Variants in PLA2G12B observed in about 807,000 individuals in gnomAD.
PLA2G12B encodes phospholipase A2 group XIIB, also known as group XIIB secretory phospholipase A2-like protein.
PLA2G12B carries 19 observed loss-of-function variants against 22.3 expected under a neutral mutation model. The observed-to-expected ratio is 0.85, with a 90% CI of 0.60 to 1.25. PLA2G12B has a LOEUF of 1.25. Among genes scored for constraint, PLA2G12B ranks in the 50% most tolerant of loss-of-function variants. The probability of loss-of-function intolerance (pLI) is 0.00; values close to 1 mark genes in which losing one functional copy is unlikely to be tolerated. For missense variants in PLA2G12B, 191 were observed against 246.6 expected (o/e 0.77, Z 1.51); for synonymous variants, 81 against 94.9 (o/e 0.85, Z 0.85).
chr10:72,946,689 T>C (rs1483425121), intron 1 of PLA2G12B, among the ~76,000 whole-genome samples: 2 of 152,224 alleles, frequency 1.3e-5, no homozygotes, highest in Non-Finnish European at 2.9e-5. Flanking sequence ...CTATAATGAT[T>C]ATGTTGAGCA....
chr10:72,940,933 G>A (rs1248199347), intron 3 of PLA2G12B, among the ~76,000 whole-genome samples: 1 of 152,170 alleles, frequency 6.6e-6, no homozygotes, highest in Non-Finnish European at 1.5e-5. Flanking sequence ...GAAGACTTTG[G>A]TGTAGTCTTT....
intron 3 of PLA2G12B, among the ~76,000 whole-genome samples, chr10:72,937,181 G>C (rs1387727696): frequency 6.6e-6 from 1 of 152,194 alleles, no homozygotes; most frequent in African/African-American, 2.4e-5. Context: ...CTGCACTCCA[G>C]CCTGGGCGAC....
In PLA2G12B at chr10:72,954,769, G is replaced by A. The variant is rs906854315; in HGVS notation, c.-84C>T. On this transcript the variant is annotated 5_prime_UTR_variant, in exon 1 of 4. Transcript: ENST00000373032. Reference sequence around the variant, plus strand: ...CCAGGGACAAACCCCCTACCCAGATGTCAGGCAGGACTGGGAAAGGGATTA... The same window carrying A: ...CCAGGGACAAACCCCCTACCCAGATATCAGGCAGGACTGGGAAAGGGATTA... 6 of 1,411,248 alleles carry A rather than the reference G, an allele frequency of 4.3e-6. No individual in the cohort carries two copies. Among genetic ancestry groups the A allele is most frequent in the East Asian group, 4.7e-5 (2 of 42,952 alleles). The allele number at this position is 1,411,248 out of a possible 1,614,324, so 87.4% of individuals were successfully genotyped here. A position where few individuals can be genotyped will look rare whatever the true frequency, so the allele number is the denominator to read the frequency against.
At position 72,949,909 on chromosome 10, in the gene PLA2G12B, G is replaced by A. The variant is rs553490893; in HGVS notation, c.211+4566C>T. ...GGAGAATCATTTGAACCTGGAAGGC[G>A]GAGGTTGCAGTGAGCCGAGATAGTA... is the stretch of plus-strand genomic sequence containing the variant. On this transcript the variant is annotated intron_variant, in intron 1 of 3. Transcript: ENST00000373032. 2.5e-3 allele frequency among the ~76,000 whole-genome samples: 383 copies of A among 152,218 alleles called. 1 individual carries two copies. The highest frequency in any genetic ancestry group is 3.6e-3 in the Non-Finnish European group (242 of 67,996).
intron 3 of PLA2G12B, among the ~76,000 whole-genome samples, chr10:72,936,922 C>T (rs975540715): frequency 3.9e-5 from 6 of 152,106 alleles, no homozygotes; most frequent in East Asian, 1.9e-4. Flanking sequence ...GGATTAGGGC[C>T]GGGCACGGTG....
At chr10:72,937,939 C>T (rs1846303042) in intron 3 of PLA2G12B, among the ~76,000 whole-genome samples, 1 of 151,876 alleles carries the variant, frequency 6.6e-6, no homozygotes, top group African/African-American at 2.4e-5. Context: ...CATGGCGAAA[C>T]CCCGTCTCTA....
chr10:72,951,838 T>C (rs1264785663), intron 1 of PLA2G12B, among the ~76,000 whole-genome samples: 1 of 152,168 alleles, frequency 6.6e-6, no homozygotes, highest in African/African-American at 2.4e-5. Context: ...AGCCCAGTTG[T>C]TTGACAAGTA....
intron 1 of PLA2G12B, among the ~76,000 whole-genome samples, chr10:72,952,767 G>T (rs1408649721): frequency 6.6e-6 from 1 of 152,134 alleles, no homozygotes; most frequent in East Asian, 1.9e-4. Context: ...TTTACACAAA[G>T]TGAGAAGAGT....
chr10:72,941,900 A>G (rs1303784918), intron 2 of PLA2G12B, among the ~76,000 whole-genome samples: 1 of 151,538 alleles, frequency 6.6e-6, no homozygotes, highest in Non-Finnish European at 1.5e-5. Context: ...GACTGTGGTC[A>G]AACCACAACA....
At chr10:72,943,302 T>C (rs1846391259) in intron 1 of PLA2G12B, among the ~76,000 whole-genome samples, 1 of 152,120 alleles carries the variant, frequency 6.6e-6, no homozygotes, top group African/African-American at 2.4e-5. Flanking sequence ...GTTTTTTAAG[T>C]GCATAACATT....
chr10:72,941,831 T>G (rs28433473), intron 2 of PLA2G12B, among the ~76,000 whole-genome samples: 2 of 148,846 alleles, frequency 1.3e-5, no homozygotes, highest in African/African-American at 5.1e-5. Flanking sequence ...TGTGTGTGTG[T>G]GGGTGTGTGT....
chr10:72,935,543 T>C lies in PLA2G12B; in HGVS notation c.*74A>G. 6.3e-7 allele frequency: 1 copy of C among 1,582,186 alleles called. No individual in the cohort carries two copies. The highest frequency in any genetic ancestry group is 8.6e-7 in the Non-Finnish European group (1 of 1,162,194). ...TGTTGGAAGAACGAATGAGTCACGC[T>C]GACTCGAAGACTTGACATCTTGAAG... On this transcript the variant is annotated 3_prime_UTR_variant, in exon 4 of 4. Coordinates refer to ENST00000373032, the MANE Select transcript of PLA2G12B (RefSeq NM_032562.5).
chr10:72,948,608 C>T (rs377570524), intron 1 of PLA2G12B, among the ~76,000 whole-genome samples: 264 of 152,118 alleles, frequency 1.7e-3, no homozygotes, highest in African/African-American at 5.7e-3. Flanking sequence ...AGTGAGAGGC[C>T]GACAACTTGA....
chr10:72,950,319 G>A (rs1399500912), intron 1 of PLA2G12B, among the ~76,000 whole-genome samples: 2 of 152,092 alleles, frequency 1.3e-5, no homozygotes, highest in Admixed American at 1.3e-4. Context: ...GCCAGTGGCT[G>A]TTTTCTTTTT....
intron 1 of PLA2G12B, among the ~76,000 whole-genome samples, chr10:72,953,203 T>C (rs1846560908): frequency 6.6e-6 from 1 of 152,126 alleles, no homozygotes; most frequent in East Asian, 2.0e-4. Flanking sequence ...AGCTGCAGCA[T>C]AGATGGTTAA....
At position 72,954,620 on chromosome 10, in the gene PLA2G12B, G is replaced by A. The variant is rs1846589697; in HGVS notation, c.66C>T (p.Asp22=). 1.5e-5 allele frequency: 24 copies of A among 1,614,032 alleles called. No homozygotes were observed. Among genetic ancestry groups the A allele is most frequent in the Non-Finnish European group, 2.0e-5 (24 of 1,180,048 alleles). ...AGGACTCCTCCGTGTCAGGGCTCGT[G>A]TCGCTCTGAGCCAGGCCACCCCCAA... is the stretch of plus-strand genomic sequence containing the variant. The part of the protein sequence containing the change: ...LSLGGGLAQS[D]TSPDTEESYS... Residue 22 remains aspartate (D), a synonymous_variant, in exon 1 of 4, where the codon GAC becomes GAT. Transcript: ENST00000373032.
chr10:72,941,928 A>G (rs1421510368), intron 2 of PLA2G12B, among the ~76,000 whole-genome samples: 1 of 151,992 alleles, frequency 6.6e-6, no homozygotes, highest in Non-Finnish European at 1.5e-5. Flanking sequence ...CACACCCATC[A>G]TTACTAAGCA....
intron 1 of PLA2G12B, among the ~76,000 whole-genome samples, chr10:72,943,090 C>T (rs1169703287): frequency 4.0e-5 from 6 of 151,826 alleles, no homozygotes; most frequent in African/African-American, 1.5e-4. Flanking sequence ...CTCAGCCTCC[C>T]GAGTAGCTGG....
intron 3 of PLA2G12B, among the ~76,000 whole-genome samples, chr10:72,938,115 G>GAAAAAAAAAAAA (rs78360766): frequency 3.4e-5 from 2 of 59,086 alleles, no homozygotes; most frequent in Non-Finnish European, 3.6e-5. Context: ...CTCCATCTCA[G>GAAAAAAAAAAAA]AAAAAAAAAA....
Sources: allele counts gnomAD v4.1 joint callset (sites outside exome capture counted in the v4.1 genomes callset), GRCh38; gene constraint gnomAD v4.1.1; transcripts MANE v1.5; gene names NCBI Gene and HGNC (gene_info 2026-07-23, HGNC 2026-07-21).